Variants in UCK1 observed in about 807,000 individuals in gnomAD.
The protein encoded by UCK1 is uridine-cytidine kinase 1.
In UCK1, 20 loss-of-function variants were observed where a neutral mutation model predicts 34.0. The ratio of observed to expected loss-of-function variants is 0.59; its 90% CI spans 0.41 to 0.86. The LOEUF (loss-of-function observed/expected upper bound fraction) is 0.86. UCK1 is among the 40% of genes least tolerant of loss of function. UCK1 has a pLI of 0.00. For synonymous variants in UCK1, 168 were observed against 155.9 expected, an observed-to-expected ratio of 1.08 and a Z score of -0.58; for missense variants, 343 against 383.6, an observed-to-expected ratio of 0.89 and a Z score of 0.88.
At chr9:131,529,667 C>T in intron 2 of UCK1, 83 bp from the exon 3 acceptor site, 1 of 1,304,016 alleles carries the variant, frequency 7.7e-7, no homozygotes, top group Non-Finnish European at 1.1e-6. Flanking sequence ...CTGGGGTCAG[C>T]ACAGCTGGGT....
At chr9:131,526,372 T>C (rs1554788284) in intron 5 of UCK1, 5 of 1,243,382 alleles carry the variant, frequency 4.0e-6, no homozygotes, top group Non-Finnish European at 1.1e-6. Flanking sequence ...CTTCTGCAAA[T>C]ACCCTGGCAC....
chr9:131,530,516 A>T lies in UCK1; in HGVS notation c.238T>A (p.Leu80Met). The T allele has an allele frequency of 6.2e-7, 1 of 1,614,242 alleles. No homozygotes were observed. Among genetic ancestry groups the T allele is most frequent in the Non-Finnish European group, 8.5e-7 (1 of 1,180,038 alleles). The change falls in exon 2 of 7, where the codon TTG becomes ATG. Residue 80 changes from leucine (L) to methionine (M), a missense_variant. Physicochemically the swap from Leu to Met is conservative, Grantham distance 15. Transcript: ENST00000372215. ...VLTAEQKAKA[L>M]KGQYNFDHPD... ...TGGTCAAAATTGTACTGTCCTTTCAAGGCCTTGGCCTTCTGCTCTGCCGTC... is the reference window on the plus strand; with the variant it reads ...TGGTCAAAATTGTACTGTCCTTTCATGGCCTTGGCCTTCTGCTCTGCCGTC...
chr9:131,530,388 C>T lies in UCK1; in HGVS notation c.268+98G>A, dbSNP rs956665652. ...TGGCGAGTTGGGGGAACAGCCCAAGCGGGTCTGCATCCATCCAACCTTGGG... is the reference window on the plus strand; with the variant it reads ...TGGCGAGTTGGGGGAACAGCCCAAGTGGGTCTGCATCCATCCAACCTTGGG... On this transcript the variant is annotated intron_variant, in intron 2 of 6. Transcript: ENST00000372215. 7 of 1,427,308 alleles carry T rather than the reference C, an allele frequency of 4.9e-6. No homozygotes were observed. In the East Asian group the frequency reaches 9.2e-5, roughly 19 times the overall value. The allele number at this position is 1,427,308 out of a possible 1,614,324, so 88.4% of individuals were successfully genotyped here. A position where few individuals can be genotyped will look rare whatever the true frequency, so the allele number is the denominator to read the frequency against.
chr9:131,527,793 C>T (rs1044868113), intron 5 of UCK1, among the ~76,000 whole-genome samples: 4 of 152,050 alleles, frequency 2.6e-5, no homozygotes, highest in Non-Finnish European at 5.9e-5. Flanking sequence ...GGAAGGATCG[C>T]TTGAGCTTAG....
Position 131,529,535 on chromosome 9 carries a change from C to T in UCK1, c.318G>A (p.Glu106=). 1 of 1,614,194 alleles carries T rather than the reference C, an allele frequency of 6.2e-7. No homozygotes were observed. The highest frequency in any genetic ancestry group is 8.5e-7 in the Non-Finnish European group (1 of 1,180,042). ...AGGTCGGCACCTCCACCGTTTTGCC[C>T]TCCACGATGTTCTTCAGAGTCCTGT... ...LMHRTLKNIV[E]GKTVEVPTYD... is the part of the protein sequence containing the mutation. The change falls in exon 3 of 7, where the codon GAG becomes GAA. Residue 106 remains glutamate (E), a synonymous_variant. Coordinates refer to ENST00000372215, the MANE Select transcript of UCK1 (RefSeq NM_031432.5).
At chr9:131,530,703 G>A (rs1427949553) in intron 1 of UCK1, 58 bp from the exon 2 acceptor site, 2 of 1,614,014 alleles carry the variant, frequency 1.2e-6, no homozygotes, top group South Asian at 1.1e-5. Flanking sequence ...ACAGGCACGG[G>A]GCCGGCTTCT....
intron 2 of UCK1, 68 bp downstream of exon 2, chr9:131,530,418 A>G (rs1436367788): frequency 2.1e-5 from 33 of 1,589,390 alleles, no homozygotes; most frequent in Non-Finnish European, 2.8e-5. Context: ...CTTGGGCCCA[A>G]GCGCAGCTGG....
At position 131,525,945 on chromosome 9, in the gene UCK1, T is replaced by C; in HGVS notation, c.636A>G (p.Arg212=). The change falls in exon 6 of 7, where the codon CGA becomes CGG. Residue 212 remains arginine (R), a synonymous_variant. Coordinates refer to ENST00000372215, the MANE Select transcript of UCK1 (RefSeq NM_031432.5). ...GCTTCTTACCCATATTGTCCACTCC[T>C]CGCGGGATGATCACATCGGCATACT... The part of the protein sequence containing the change: ...TKKYADVIIP[R]GVDNMVAINL... 1 of 1,614,044 alleles carries C rather than the reference T, an allele frequency of 6.2e-7. No homozygotes were observed. Among genetic ancestry groups the C allele is most frequent in the Non-Finnish European group, 8.5e-7 (1 of 1,179,988 alleles).
intron 5 of UCK1, 65 bp from the exon 6 acceptor site, chr9:131,526,042 C>G: frequency 1.3e-6 from 2 of 1,597,060 alleles, no homozygotes; most frequent in South Asian, 1.1e-5. Flanking sequence ...TTAAGATGCT[C>G]AGAAACAGAT....
chr9:131,529,075 G>A (rs1381222570), intron 4 of UCK1, 37 bp from the exon 5 acceptor site: 1 of 1,613,468 alleles, frequency 6.2e-7, no homozygotes, highest in Non-Finnish European at 8.5e-7. Context: ...TCAGACCTCA[G>A]GACCTGCCGC....
Position 131,529,224 on chromosome 9 carries a change from C to G in UCK1, c.412G>C (p.Glu138Gln), listed in dbSNP as rs770695383. The change falls in exon 4 of 7, where the codon GAG becomes CAG. Residue 138 changes from glutamate (E) to glutamine (Q), a missense_variant. Glu to Gln is a conservative substitution (Grantham distance 29). Transcript: ENST00000372215. ...TGGCTGTAGAACACCAAGATGCCCT[C>G]AAACAGAACCACGTCCGCAGGGTAG... ...VVYPADVVLF[E>Q]GILVFYSQEI... The G allele has an allele frequency of 2.5e-6, 4 of 1,614,082 alleles. No homozygotes were observed. The African/African-American group carries it at 5.3e-5, about 22-fold the overall frequency.
Position 131,529,016 on chromosome 9 carries a change from C to T in UCK1, c.531G>A (p.Gly177=). ...SRRVLRDVRR[G]RDLEQILTQY... is the part of the protein sequence containing the mutation. Reference sequence around the variant, plus strand: ...GCGTCAGAATCTGCTCCAGGTCCCTCCCTCGGCGCACGTCCCGGAGAACTG... The same window carrying T: ...GCGTCAGAATCTGCTCCAGGTCCCTTCCTCGGCGCACGTCCCGGAGAACTG... The change falls in exon 5 of 7, where the codon GGG becomes GGA. Residue 177 remains glycine, a synonymous_variant. Transcript: ENST00000372215. The T allele has an allele frequency of 6.2e-7, 1 of 1,614,124 alleles. No individual in the cohort carries two copies. Among genetic ancestry groups the T allele is most frequent in the Non-Finnish European group, 8.5e-7 (1 of 1,180,018 alleles).
At chr9:131,526,077 G>T in intron 5 of UCK1, 100 bp from the exon 6 acceptor site, 2 of 1,427,702 alleles carry the variant, frequency 1.4e-6, no homozygotes, top group Non-Finnish European at 9.8e-7. Flanking sequence ...GGCGGCCCTG[G>T]GGTGCTCAGA....
In UCK1 at chr9:131,525,842, G is replaced by A. The variant is rs892176140; in HGVS notation, c.652+87C>T. 86 of 1,414,262 alleles carry A rather than the reference G, an allele frequency of 6.1e-5. No homozygotes were observed. The Admixed American group carries it at 1.6e-3, about 26-fold the overall frequency. The allele number at this position is 1,414,262 out of a possible 1,614,324, so 87.6% of individuals were successfully genotyped here. A position where few individuals can be genotyped will look rare whatever the true frequency, so the allele number is the denominator to read the frequency against. On this transcript the variant is annotated intron_variant, in intron 6 of 6. Coordinates refer to ENST00000372215, the MANE Select transcript of UCK1 (RefSeq NM_031432.5). Reference sequence around the variant, plus strand: ...ACTGGCAGGCCGCGTGCGCAGGGGAGTGCTCAGTAACTGCACACTGGTGGA... The same window carrying A: ...ACTGGCAGGCCGCGTGCGCAGGGGAATGCTCAGTAACTGCACACTGGTGGA...
At chr9:131,529,646 C>T (rs1950754456) in intron 2 of UCK1, 62 bp from the exon 3 acceptor site, 2 of 1,482,328 alleles carry the variant, frequency 1.3e-6, no homozygotes, top group Non-Finnish European at 1.9e-6. Flanking sequence ...CAGCAGGGAA[C>T]CCTCTCTGCT....
chr9:131,525,833 C>G (rs1376185571), intron 6 of UCK1, 96 bp downstream of exon 6: 1 of 1,328,696 alleles, frequency 7.5e-7, no homozygotes, highest in Admixed American at 2.0e-5. Context: ...AGGCCGCGTG[C>G]GCAGGGGAGT....
chr9:131,531,240 C>G lies in UCK1; in HGVS notation c.-66G>C. The G allele has an allele frequency of 7.7e-7, 1 of 1,299,324 alleles. No homozygotes were observed. The highest frequency in any genetic ancestry group is 9.8e-7 in the Non-Finnish European group (1 of 1,017,942). 80.5% of individuals were successfully genotyped at this position (1,299,324 alleles called of 1,614,324 possible). On this transcript the variant is annotated 5_prime_UTR_variant, in exon 1 of 7. Transcript: ENST00000372215. ...CCTTCCCCAGGCCCGGCGCGCCCGC[C>G]CAGCGCCGAGGTCGGAGGCAACCGG...
Position 131,529,131 on chromosome 9 carries a change from T to G in UCK1, c.505A>C (p.Arg169=). The part of the protein sequence containing the change: ...DTDSDVRLSR[R]VLRDVRRGRD... ...CGGAGGCCCGCGGCCGCCTTACCTCTTCGAGACAGCCTGACGTCGGAGTCG... is the reference window on the plus strand; with the variant it reads ...CGGAGGCCCGCGGCCGCCTTACCTCGTCGAGACAGCCTGACGTCGGAGTCG... The change falls in exon 4 of 7, where the codon AGA becomes CGA. Residue 169 remains arginine (R), a synonymous_variant. Coordinates refer to ENST00000372215, the MANE Select transcript of UCK1 (RefSeq NM_031432.5). The G allele has an allele frequency of 6.2e-7, 1 of 1,613,668 alleles. No homozygotes were observed. Among genetic ancestry groups the G allele is most frequent in the Non-Finnish European group, 8.5e-7 (1 of 1,179,846 alleles).
At chr9:131,527,267 G>A (rs1364845099) in intron 5 of UCK1, among the ~76,000 whole-genome samples, 5 of 151,948 alleles carry the variant, frequency 3.3e-5, no homozygotes, top group African/African-American at 1.2e-4. Flanking sequence ...GGTGGAGGCT[G>A]CAGTGAAGCA....
Sources: gnomAD v4.1 joint callset for allele counts (sites outside exome capture counted in the v4.1 genomes callset) on GRCh38, gnomAD v4.1.1 for gene constraint, MANE v1.5 for transcripts, NCBI Gene and HGNC (gene_info 2026-07-23, HGNC 2026-07-21) for gene names.